SLC24A3: variants seen among roughly 807,000 people sequenced by gnomAD.
SLC24A3 encodes the protein solute carrier family 24 member 3, also known as sodium/potassium/calcium exchanger 3.
In SLC24A3, 28 loss-of-function variants were observed where a neutral mutation model predicts 75.8. The ratio of observed to expected loss-of-function variants is 0.37; its 90% CI spans 0.27 to 0.51. The LOEUF is 0.51. Among genes scored for constraint, SLC24A3 ranks in the 20% least tolerant of loss-of-function variants. The probability of loss-of-function intolerance (pLI) is 0.94; values close to 1 mark genes in which losing one functional copy is unlikely to be tolerated. For missense variants in SLC24A3, 663 were observed against 847.8 expected (o/e 0.78, Z 2.71); for synonymous variants, 372 against 334.1 (o/e 1.11, Z -1.24).
intron 8 of SLC24A3, among the ~76,000 whole-genome samples, chr20:19,667,689 T>C (rs2032416093): frequency 6.6e-6 from 1 of 152,192 alleles, no homozygotes; most frequent in South Asian, 2.1e-4. Flanking sequence ...CTCCATGGCA[T>C]TGCTGTATGA....
chr20:19,273,903 G>A (rs903038404), intron 1 of SLC24A3, among the ~76,000 whole-genome samples: 21 of 151,440 alleles, frequency 1.4e-4, no homozygotes, highest in African/African-American at 5.1e-4. Flanking sequence ...CTTAACTGGT[G>A]TAAATTTCTT....
At chr20:19,481,708 A>C (rs550845186) in intron 2 of SLC24A3, among the ~76,000 whole-genome samples, 168 of 152,254 alleles carry the variant, frequency 1.1e-3, no homozygotes, top group Non-Finnish European at 1.0e-3. Context: ...TGGAGAAGTC[A>C]TGAAAGCCAG....
intron 2 of SLC24A3, among the ~76,000 whole-genome samples, chr20:19,408,887 C>T (rs2122417321): frequency 6.6e-6 from 1 of 152,264 alleles, no homozygotes; most frequent in South Asian, 2.1e-4. Context: ...TGAGATTTGC[C>T]TTCATGTTTT....
At chr20:19,372,823 G>A (rs1400275371) in intron 2 of SLC24A3, among the ~76,000 whole-genome samples, 2 of 151,982 alleles carry the variant, frequency 1.3e-5, no homozygotes, top group East Asian at 1.9e-4. Flanking sequence ...AAAGGACACC[G>A]GTACAACCAG....
At position 19,212,853 on chromosome 20, in the gene SLC24A3, C is replaced by CCGG; in HGVS notation, c.14_16dup (p.Gly5dup). The stretch of plus-strand genomic sequence containing the variant: ...CCCGGCCGCCCGAGGATGCGGCCGT[C>CCGG]CGGCGACGAGGACCGCGCGCGTCGC... On this transcript the variant is annotated inframe_insertion, in exon 1 of 17. Transcript: ENST00000328041. 1.8e-6 allele frequency: 2 copies of CCGG among 1,129,710 alleles called. No individual in the cohort carries two copies. The highest frequency in any genetic ancestry group is 2.2e-6 in the Non-Finnish European group (2 of 922,068). 70.0% of individuals were successfully genotyped at this position (1,129,710 alleles called of 1,614,324 possible).
At chr20:19,333,195 A>T (rs553956482) in intron 2 of SLC24A3, among the ~76,000 whole-genome samples, 1 of 152,186 alleles carries the variant, frequency 6.6e-6, no homozygotes, top group East Asian at 1.9e-4. Context: ...GAGTGAGGGG[A>T]TGTGTAGTGG....
chr20:19,575,225 C>T (rs1480034110), intron 3 of SLC24A3, among the ~76,000 whole-genome samples: 1 of 146,014 alleles, frequency 6.8e-6, no homozygotes, highest in East Asian at 2.0e-4. Flanking sequence ...TCACTATACT[C>T]CAGCCTGGGT....
At chr20:19,215,833 C>T (rs1013615808) in intron 1 of SLC24A3, among the ~76,000 whole-genome samples, 7 of 152,192 alleles carry the variant, frequency 4.6e-5, no homozygotes, top group Non-Finnish European at 1.0e-4. Flanking sequence ...AAAACATTTT[C>T]CACATATTCA....
At chr20:19,344,818 T>C (rs1985352346) in intron 2 of SLC24A3, among the ~76,000 whole-genome samples, 1 of 152,172 alleles carries the variant, frequency 6.6e-6, no homozygotes, top group Admixed American at 6.5e-5. Context: ...GAAGATTGAA[T>C]GCCAAGGGAA....
chr20:19,232,900 G>A (rs978115969), intron 1 of SLC24A3, among the ~76,000 whole-genome samples: 4 of 152,184 alleles, frequency 2.6e-5, no homozygotes, highest in Admixed American at 6.5e-5. Context: ...AGGCAAAAGC[G>A]TAGTATGAAC....
Position 19,682,008 on chromosome 20 carries a change from C to T in SLC24A3, c.901+17C>T. The T allele has an allele frequency of 1.9e-6, 3 of 1,612,728 alleles. No homozygotes were observed. The highest frequency in any genetic ancestry group is 2.5e-6 in the Non-Finnish European group (3 of 1,179,600). ...TTAAGAAAGGTAACCAAGGAGAGCA[C>T]TTTGGGGTCCAAGGCAGGAGGATCA... On this transcript the variant is annotated intron_variant, in intron 10 of 16. Transcript: ENST00000328041.
intron 2 of SLC24A3, among the ~76,000 whole-genome samples, chr20:19,325,667 T>G (rs1250400459): frequency 1.3e-5 from 2 of 150,668 alleles, no homozygotes; most frequent in Non-Finnish European, 3.0e-5. Flanking sequence ...GTATTTGGGA[T>G]TTGGAGATTT....
chr20:19,522,430 A>G (rs1162089059), intron 3 of SLC24A3, among the ~76,000 whole-genome samples: 3 of 152,206 alleles, frequency 2.0e-5, no homozygotes, highest in Non-Finnish European at 4.4e-5. Flanking sequence ...AAGGACACCC[A>G]AGTTAAAAGC....
intron 2 of SLC24A3, among the ~76,000 whole-genome samples, chr20:19,502,279 A>G (rs1377471904): frequency 6.6e-6 from 1 of 152,168 alleles, no homozygotes; most frequent in Non-Finnish European, 1.5e-5. Context: ...GGAGAGCCCT[A>G]TAATAGACAT....
chr20:19,558,199 T>C (rs548949434), intron 3 of SLC24A3, among the ~76,000 whole-genome samples: 2 of 152,326 alleles, frequency 1.3e-5, no homozygotes, highest in East Asian at 3.9e-4. Flanking sequence ...TACTGACATA[T>C]AATTTTACAC....
chr20:19,332,109 G>C (rs142490022), intron 2 of SLC24A3, among the ~76,000 whole-genome samples: 6 of 152,224 alleles, frequency 3.9e-5, no homozygotes, highest in African/African-American at 1.4e-4. Flanking sequence ...GACCATCTAA[G>C]GTCTTGTCTG....
chr20:19,647,432 G>T (rs567910709), intron 6 of SLC24A3, among the ~76,000 whole-genome samples: 50 of 152,240 alleles, frequency 3.3e-4, no homozygotes, highest in South Asian at 8.3e-4. Context: ...ACCTAGTACT[G>T]CCAAATGCTG....
intron 6 of SLC24A3, among the ~76,000 whole-genome samples, chr20:19,601,277 G>A (rs1288483935): frequency 6.6e-6 from 1 of 152,228 alleles, no homozygotes; most frequent in East Asian, 1.9e-4. Flanking sequence ...TTTTCATGGG[G>A]CCCTCTTGCC....
At chr20:19,589,124 A>G (rs1271433124) in intron 6 of SLC24A3, among the ~76,000 whole-genome samples, 1 of 152,238 alleles carries the variant, frequency 6.6e-6, no homozygotes, top group Non-Finnish European at 1.5e-5. Flanking sequence ...CTAAGCAAGG[A>G]CTCAAGTGCA....
Sources: allele counts gnomAD v4.1 joint callset (sites outside exome capture counted in the v4.1 genomes callset), GRCh38; gene constraint gnomAD v4.1.1; transcripts MANE v1.5; gene names NCBI Gene and HGNC (gene_info 2026-07-23, HGNC 2026-07-21).